The following ZBTB7A variants were observed in gnomAD, a reference collection of about 807,000 sequenced individuals.
The protein encoded by ZBTB7A is zinc finger and BTB domain containing 7A, also known as zinc finger and BTB domain-containing protein 7A.
ZBTB7A carries 7 observed loss-of-function variants against 26.7 expected under a neutral mutation model. That is an observed-to-expected ratio of 0.26 (90% CI 0.15 to 0.49). The LOEUF (loss-of-function observed/expected upper bound fraction) is 0.49. Among genes scored for constraint, ZBTB7A ranks in the 20% least tolerant of loss-of-function variants. ZBTB7A has a pLI of 0.98. For missense variants in ZBTB7A, 617 were observed against 919.5 expected, an observed-to-expected ratio of 0.67 and a Z score of 4.25; for synonymous variants, 452 against 441.0, an observed-to-expected ratio of 1.02 and a Z score of -0.31.
chr19:4,065,053 G>T (rs1284891779), intron 1 of ZBTB7A, among the ~76,000 whole-genome samples: 7 of 151,664 alleles, frequency 4.6e-5, no homozygotes, highest in Admixed American at 1.3e-4. Context: ...GGGGGGCTGG[G>T]TCTCCCGCCC....
intron 2 of ZBTB7A, 50 bp downstream of exon 2, chr19:4,053,921 A>G (rs2144989215): frequency 1.3e-6 from 2 of 1,532,580 alleles, no homozygotes; most frequent in Non-Finnish European, 1.7e-6. Flanking sequence ...TGAGCGGCGG[A>G]TGCTGGGGCA....
In ZBTB7A at chr19:4,045,962, C is replaced by T. The variant is rs1214634817; in HGVS notation, c.*1790G>A. The T allele has an allele frequency of 1.0e-5, 4 of 398,608 alleles. No homozygotes were observed. Among genetic ancestry groups the T allele is most frequent in the African/African-American group, 8.2e-5 (4 of 48,536 alleles). The allele number at this position is 398,608 out of a possible 1,614,324, so 24.7% of individuals were successfully genotyped here. Reference sequence around the variant, plus strand: ...GGTGGGGGGCCCCTGTCACCCACCTCAGCAGGGTAGGCGCATCCAAGGTCC... The same window carrying T: ...GGTGGGGGGCCCCTGTCACCCACCTTAGCAGGGTAGGCGCATCCAAGGTCC... On this transcript the variant is annotated 3_prime_UTR_variant, in exon 3 of 3. Transcript: ENST00000322357. This position sits in a 1 kb window ranked among gnomAD's most constrained non-coding sequence, Gnocchi z 4.1.
At chr19:4,064,095 C>T (rs2040666123) in intron 1 of ZBTB7A, among the ~76,000 whole-genome samples, 1 of 152,260 alleles carries the variant, frequency 6.6e-6, no homozygotes, top group Admixed American at 6.5e-5. Context: ...GCCTCGGCCG[C>T]GCCTCAGTCT....
At chr19:4,051,771 G>T (rs1009815978) in intron 2 of ZBTB7A, among the ~76,000 whole-genome samples, 2 of 152,262 alleles carry the variant, frequency 1.3e-5, no homozygotes, top group African/African-American at 4.8e-5. Context: ...CTAGAACCGT[G>T]CAGAGACTCC....
chr19:4,046,025 G>C lies in ZBTB7A; in HGVS notation c.*1727C>G. ...GCCATGCGGGAGGGACAGGCGTGTTGGGGGATTGGGGGGTGCCGGATGGGG... is the reference window on the plus strand; with the variant it reads ...GCCATGCGGGAGGGACAGGCGTGTTCGGGGATTGGGGGGTGCCGGATGGGG... On this transcript the variant is annotated 3_prime_UTR_variant, in exon 3 of 3. Coordinates refer to ENST00000322357, the MANE Select transcript of ZBTB7A (RefSeq NM_015898.4). 1 of 399,070 alleles carries C rather than the reference G, an allele frequency of 2.5e-6. No homozygotes were observed. Among genetic ancestry groups the C allele is most frequent in the Non-Finnish European group, 4.4e-6 (1 of 226,126 alleles). The allele number at this position is 399,070 out of a possible 1,614,324, so 24.7% of individuals were successfully genotyped here. A position where few individuals can be genotyped will look rare whatever the true frequency, so the allele number is the denominator to read the frequency against.
Position 4,059,548 on chromosome 19 carries a change from G to A in ZBTB7A, c.-15-4301C>T, listed in dbSNP as rs1430091401. On this transcript the variant is annotated intron_variant, in intron 1 of 2. Transcript: ENST00000322357. ...GCCGCGTTTTACAGATGAGAATGCC[G>A]GGGCCCAGAGAGGGCTGCAGTCCTG... Among the ~76,000 whole-genome samples, 4 of 152,262 alleles carry A rather than the reference G, an allele frequency of 2.6e-5. No individual in the cohort carries two copies. In the East Asian group the frequency reaches 5.8e-4, roughly 22 times the overall value.
At chr19:4,065,903 G>A (rs1245417994) in intron 1 of ZBTB7A, among the ~76,000 whole-genome samples, 1 of 117,694 alleles carries the variant, frequency 8.5e-6, no homozygotes, top group Non-Finnish European at 1.8e-5. Flanking sequence ...TCCAGGCCCC[G>A]CCCCCTGGCG....
chr19:4,058,587 C>T (rs529108520), intron 1 of ZBTB7A, among the ~76,000 whole-genome samples: 7 of 152,308 alleles, frequency 4.6e-5, no homozygotes, highest in South Asian at 2.1e-4. Context: ...TCCTCCAGGC[C>T]GGCCGGTGGC....
intron 1 of ZBTB7A, among the ~76,000 whole-genome samples, chr19:4,061,362 G>C (rs1487453097): frequency 6.6e-6 from 1 of 152,114 alleles, no homozygotes; most frequent in South Asian, 2.1e-4. Context: ...GCCCGCACCC[G>C]GCAGCCCCCG....
chr19:4,047,753 T>C lies in ZBTB7A; in HGVS notation c.1754A>G (p.Ter585=), dbSNP rs745490676. Reference sequence around the variant, plus strand: ...GTTTCTGTTTTCTCTTTTTGGTTTTTAGGCGAGTCCGGCTGTGAAGTTACC... The same window carrying C: ...GTTTCTGTTTTCTCTTTTTGGTTTTCAGGCGAGTCCGGCTGTGAAGTTACC... ...TDGNFTAGLA[*] Residue 585 remains the stop codon, a stop_retained_variant, in exon 3 of 3, where the codon TAA becomes TGA. Coordinates refer to ENST00000322357, the MANE Select transcript of ZBTB7A (RefSeq NM_015898.4). 2 of 1,597,958 alleles carry C rather than the reference T, an allele frequency of 1.3e-6. No individual in the cohort carries two copies. The highest frequency in any genetic ancestry group is 2.3e-5 in the East Asian group (1 of 43,670).
At chr19:4,055,303 G>A in intron 1 of ZBTB7A, 56 bp from the exon 2 acceptor site, 6 of 1,430,486 alleles carry the variant, frequency 4.2e-6, no homozygotes, top group Non-Finnish European at 5.5e-6. Context: ...GGGTTCCTGT[G>A]CCCACTGACA....
chr19:4,063,187 G>A (rs570425221), intron 1 of ZBTB7A, among the ~76,000 whole-genome samples: 1 of 152,308 alleles, frequency 6.6e-6, no homozygotes, highest in Admixed American at 6.5e-5. Context: ...CGCCGCGGAG[G>A]AGAAAAGACA....
intron 1 of ZBTB7A, chr19:4,065,534 C>T (rs1251228111): frequency 2.1e-5 from 3 of 145,854 alleles, no homozygotes; most frequent in Admixed American, 6.8e-5. Context: ...GGCAGTGAGC[C>T]TGGCCCCGCG....
intron 2 of ZBTB7A, among the ~76,000 whole-genome samples, chr19:4,053,751 C>A (rs547036246): frequency 6.7e-6 from 1 of 149,476 alleles, no homozygotes; most frequent in East Asian, 2.0e-4. Flanking sequence ...TGTGCATGTG[C>A]GTATATATGT....
intron 1 of ZBTB7A, among the ~76,000 whole-genome samples, chr19:4,061,417 G>A (rs1006958661): frequency 1.3e-5 from 2 of 152,032 alleles, no homozygotes; most frequent in East Asian, 1.9e-4. Context: ...TGGTCCCGAC[G>A]GGTAACCCCG....
At chr19:4,065,475 G>A (rs1234218299) in intron 1 of ZBTB7A, 1 of 146,208 alleles carries the variant, frequency 6.8e-6, no homozygotes, top group African/African-American at 2.5e-5. Context: ...CGGCGGCGGC[G>A]GTGGCGGCGG....
chr19:4,049,924 T>G (rs1183251543), intron 2 of ZBTB7A, among the ~76,000 whole-genome samples: 4 of 151,704 alleles, frequency 2.6e-5, no homozygotes, highest in African/African-American at 9.8e-5. Context: ...ACCTGACTCT[T>G]CTATTGTTTT....
intron 1 of ZBTB7A, among the ~76,000 whole-genome samples, chr19:4,059,650 ACCCAGGGCAAGGC>A (rs2040619236): frequency 6.6e-6 from 1 of 151,848 alleles, no homozygotes; most frequent in South Asian, 2.1e-4. Context: ...CCCCCCACCC[ACCCAGGGCAAGGC>A]CCTGCCCTCG....
chr19:4,066,030 C>T (rs1279293087), intron 1 of ZBTB7A, among the ~76,000 whole-genome samples: 2 of 148,746 alleles, frequency 1.3e-5, no homozygotes, highest in African/African-American at 4.9e-5. Context: ...GGCGGGCTGT[C>T]GGCGCGGGGC....
Sources: allele counts gnomAD v4.1 joint callset (sites outside exome capture counted in the v4.1 genomes callset), GRCh38; gene constraint gnomAD v4.1.1; non-coding constraint Gnocchi (gnomAD v3.1); transcripts MANE v1.5; gene names NCBI Gene and HGNC (gene_info 2026-07-23, HGNC 2026-07-21).